GOLM2: variants seen among roughly 807,000 people sequenced by gnomAD.
GOLM2 encodes golgi membrane protein 2, also known as protein GOLM2.
A neutral mutation model predicts 55.9 loss-of-function variants in GOLM2; 26 were observed. That is an observed-to-expected ratio of 0.47 (90% CI 0.34 to 0.65). The LOEUF (loss-of-function observed/expected upper bound fraction) is 0.65, where lower values mean the gene tolerates loss of function less well. Ranked by LOEUF, GOLM2 falls within the 30% of genes least tolerant of loss-of-function variation. The pLI is 0.01. For missense variants in GOLM2, 486 were observed against 531.8 expected, an observed-to-expected ratio of 0.91 and a Z score of 0.85; for synonymous variants, 165 against 194.6, an observed-to-expected ratio of 0.85 and a Z score of 1.27.
rs767361487 is a variant in GOLM2 at position 44,337,822 on chromosome 15, A to G, written c.636A>G (p.Val212=). 3.1e-6 allele frequency: 5 copies of G among 1,605,966 alleles called. No individual in the cohort carries two copies. Among genetic ancestry groups the G allele is most frequent in the Non-Finnish European group, 3.4e-6 (4 of 1,177,840 alleles). The part of the protein sequence containing the change: ...DGKELDINNQ[V]VPKNIPKVAE... ...AGGAATTGGATATAAACAATCAAGT[A>G]GTACCTAAAAATATTCCAAAAGTAG... The change falls in exon 5 of 10, where the codon GTA becomes GTG. Residue 212 remains valine, a synonymous_variant. Transcript: ENST00000299957.
intron 8 of GOLM2, among the ~76,000 whole-genome samples, chr15:44,395,096 A>C (rs1271644319): frequency 6.7e-6 from 1 of 148,558 alleles, no homozygotes; most frequent in South Asian, 2.1e-4. Flanking sequence ...TGCAACCTCC[A>C]CCTCCCAGGT....
chr15:44,375,633 T>C (rs1254674647), intron 6 of GOLM2, among the ~76,000 whole-genome samples: 1 of 152,010 alleles, frequency 6.6e-6, no homozygotes, highest in Non-Finnish European at 1.5e-5. Flanking sequence ...ATTTTTTAAT[T>C]AGCCAGGTGT....
At chr15:44,302,959 C>T (rs1050065833) in intron 1 of GOLM2, among the ~76,000 whole-genome samples, 42 of 152,060 alleles carry the variant, frequency 2.8e-4, no homozygotes, top group Admixed American at 1.2e-3. Context: ...AAAAATTAGC[C>T]GGGCGTAGTG....
intron 8 of GOLM2, among the ~76,000 whole-genome samples, chr15:44,394,977 TG>T (rs2141206593): frequency 6.6e-6 from 1 of 152,278 alleles, no homozygotes; most frequent in African/African-American, 2.4e-5. Context: ...CTTACAATAG[TG>T]GTAATATATT....
intron 1 of GOLM2, among the ~76,000 whole-genome samples, chr15:44,322,362 G>A (rs190314794): frequency 3.3e-4 from 51 of 152,280 alleles, no homozygotes; most frequent in Admixed American, 3.2e-3. Flanking sequence ...GTGAGACTCA[G>A]TATAAAAAAA....
At position 44,288,844 on chromosome 15, in the gene GOLM2, G is replaced by A; in HGVS notation, c.-186G>A. 1 of 595,004 alleles carries A rather than the reference G, an allele frequency of 1.7e-6. No homozygotes were observed. The allele number at this position is 595,004 out of a possible 1,614,324, so 36.9% of individuals were successfully genotyped here. ...ACGCGTTTTGGCCTGATTTGAGGAG[G>A]GGGGCGGGGAGGGACCTGCGGCTTG... On this transcript the variant is annotated 5_prime_UTR_variant, in exon 1 of 10. Transcript: ENST00000299957.
chr15:44,299,954 G>C (rs986976177), intron 1 of GOLM2, among the ~76,000 whole-genome samples: 9 of 112,918 alleles, frequency 8.0e-5, no homozygotes, highest in Middle Eastern at 4.7e-3. Context: ...AAAAAAAAAA[G>C]CTGGGCATGG....
intron 3 of GOLM2, among the ~76,000 whole-genome samples, chr15:44,330,125 T>C (rs1306564985): frequency 1.4e-5 from 2 of 145,966 alleles, no homozygotes; most frequent in Non-Finnish European, 3.0e-5. Context: ...TTAGCCAGGA[T>C]GGTCTCGATC....
At chr15:44,360,217 G>A (rs564997638) in intron 6 of GOLM2, among the ~76,000 whole-genome samples, 11 of 152,066 alleles carry the variant, frequency 7.2e-5, no homozygotes, top group Admixed American at 3.3e-4. Context: ...AACTTTAAAT[G>A]TAAATGGACT....
intron 8 of GOLM2, among the ~76,000 whole-genome samples, chr15:44,395,468 G>C (rs1595665998): frequency 1.3e-5 from 2 of 151,046 alleles, no homozygotes; most frequent in African/African-American, 4.9e-5. Context: ...ACCCTCTTGT[G>C]ATTAAGAAAT....
chr15:44,409,384 C>A (rs2079620115), intron 9 of GOLM2: 1 of 146,608 alleles, frequency 6.8e-6, no homozygotes, highest in Non-Finnish European at 1.5e-5. Context: ...GTCAGGAGTT[C>A]GAGACCAGTC....
intron 6 of GOLM2, among the ~76,000 whole-genome samples, chr15:44,360,774 C>A (rs2079232208): frequency 6.6e-6 from 1 of 152,104 alleles, no homozygotes; most frequent in African/African-American, 2.4e-5. Context: ...CACACCGTAC[C>A]TATTCCAAAA....
chr15:44,397,884 C>G (rs1035090771), intron 8 of GOLM2, among the ~76,000 whole-genome samples: 1 of 152,172 alleles, frequency 6.6e-6, no homozygotes, highest in Non-Finnish European at 1.5e-5. Context: ...ATTATAGTTT[C>G]CAGGCTAGGA....
intron 9 of GOLM2, among the ~76,000 whole-genome samples, chr15:44,407,427 G>A (rs771001068): frequency 6.6e-6 from 1 of 151,262 alleles, no homozygotes; most frequent in Non-Finnish European, 1.5e-5. Flanking sequence ...CACCACGGCT[G>A]GCTAGTTTTT....
chr15:44,351,576 CAAAAA>C (rs1175016633), intron 6 of GOLM2, among the ~76,000 whole-genome samples: 1 of 45,904 alleles, frequency 2.2e-5, no homozygotes, highest in South Asian at 8.7e-4. Context: ...GACTCTGTCT[CAAAAA>C]AAAAAAAAAA....
intron 6 of GOLM2, among the ~76,000 whole-genome samples, chr15:44,373,280 AC>A (rs1162086842): frequency 6.6e-6 from 1 of 151,322 alleles, no homozygotes; most frequent in Non-Finnish European, 1.5e-5. Flanking sequence ...ACACGGTGAA[AC>A]CCCGTCTCTA....
At chr15:44,341,237 C>T (rs1011888709) in intron 6 of GOLM2, among the ~76,000 whole-genome samples, 5 of 151,938 alleles carry the variant, frequency 3.3e-5, no homozygotes, top group Admixed American at 6.6e-5. Flanking sequence ...CCCACCACCA[C>T]GTCCAGCTAA....
intron 1 of GOLM2, among the ~76,000 whole-genome samples, chr15:44,303,066 G>A (rs1248454079): frequency 6.6e-6 from 1 of 151,642 alleles, no homozygotes; most frequent in Non-Finnish European, 1.5e-5. Context: ...TCGCGCCACT[G>A]CACTCTAGCC....
Position 44,371,038 on chromosome 15 carries a change from T to C in GOLM2, c.803-8652T>C, listed in dbSNP as rs148553463. Among the ~76,000 whole-genome samples the C allele has an allele frequency of 4.4e-3, 669 of 152,290 alleles. 4 individuals are homozygous for C. The highest frequency in any genetic ancestry group is 0.016 in the African/African-American group (648 of 41,562). On this transcript the variant is annotated intron_variant, in intron 6 of 9. Coordinates refer to ENST00000299957, the MANE Select transcript of GOLM2 (RefSeq NM_138423.4). ...ACCCCATGAAGTCTCACCCTGTGCA[T>C]ACACAACCTGGGGCTTGGCCAAAGA...
Sources: gnomAD v4.1 joint callset for allele counts (sites outside exome capture counted in the v4.1 genomes callset) on GRCh38, gnomAD v4.1.1 for gene constraint, MANE v1.5 for transcripts, NCBI Gene and HGNC (gene_info 2026-07-23, HGNC 2026-07-21) for gene names.